The following CFAP44 variants were observed in gnomAD, a reference collection of about 807,000 sequenced individuals.
CFAP44 encodes the protein cilia and flagella associated protein 44, also known as cilia- and flagella-associated protein 44.
CFAP44 carries 134 observed loss-of-function variants against 216.2 expected under a neutral mutation model. That is an observed-to-expected ratio of 0.62 (90% confidence interval 0.54 to 0.72). CFAP44 has a LOEUF of 0.72. Among genes scored for constraint, CFAP44 ranks in the 30% least tolerant of loss-of-function variants. CFAP44 has a pLI of 0.00. For synonymous variants in CFAP44, 700 were observed against 727.6 expected (o/e 0.96, Z 0.61); for missense variants, 2,035 against 2,182.1 (o/e 0.93, Z 1.34).
intron 19 of CFAP44, among the ~76,000 whole-genome samples, chr3:113,364,876 G>T (rs559178669): frequency 1.7e-4 from 26 of 152,154 alleles, no homozygotes; most frequent in African/African-American, 6.0e-4. Flanking sequence ...GTACAGTAAG[G>T]TAAGAACCTC....
chr3:113,432,329 T>C (rs1031348943), intron 2 of CFAP44: 1 of 152,346 alleles, frequency 6.6e-6, no homozygotes, highest in East Asian at 1.9e-4. Context: ...AGATATGCAC[T>C]ATTTAAAAAT....
intron 2 of CFAP44, among the ~76,000 whole-genome samples, chr3:113,428,127 T>A (rs1419635698): frequency 3.9e-5 from 6 of 152,184 alleles, no homozygotes; most frequent in South Asian, 2.1e-4. Context: ...GGTGCCTAAA[T>A]AGGCCAAACA....
chr3:113,388,591 A>G (rs1362981032), intron 15 of CFAP44, among the ~76,000 whole-genome samples: 1 of 152,144 alleles, frequency 6.6e-6, no homozygotes, highest in Non-Finnish European at 1.5e-5. Flanking sequence ...AACAAAAGAA[A>G]TGAGATGGCT....
intron 25 of CFAP44, among the ~76,000 whole-genome samples, chr3:113,332,860 A>G (rs1238505892): frequency 6.6e-6 from 1 of 152,224 alleles, no homozygotes; most frequent in African/African-American, 2.4e-5. Flanking sequence ...ATGGCAACGA[A>G]AAACTACATC....
At chr3:113,425,315 A>G (rs930935774) in intron 4 of CFAP44, among the ~76,000 whole-genome samples, 2 of 152,198 alleles carry the variant, frequency 1.3e-5, no homozygotes, top group African/African-American at 2.4e-5. Flanking sequence ...CGTGGTGATA[A>G]GTACTAACTA....
intron 28 of CFAP44, among the ~76,000 whole-genome samples, chr3:113,311,145 T>C (rs1429329581): frequency 1.3e-5 from 2 of 152,156 alleles, no homozygotes; most frequent in African/African-American, 4.8e-5. Context: ...ATGATAAAAA[T>C]GCTTCCATTA....
At chr3:113,381,396 G>A (rs942337890) in intron 15 of CFAP44, among the ~76,000 whole-genome samples, 7 of 152,090 alleles carry the variant, frequency 4.6e-5, no homozygotes, top group South Asian at 4.1e-4. Context: ...TCTGTTAGCC[G>A]AAAGGACCAG....
chr3:113,340,293 C>T (rs1337373330), intron 24 of CFAP44, among the ~76,000 whole-genome samples: 2 of 152,142 alleles, frequency 1.3e-5, no homozygotes, highest in Non-Finnish European at 2.9e-5. Context: ...TTTCCACAGC[C>T]TGTAACAAAA....
intron 21 of CFAP44, among the ~76,000 whole-genome samples, chr3:113,362,441 A>G: frequency 6.6e-6 from 1 of 152,122 alleles, no homozygotes; most frequent in East Asian, 1.9e-4. Flanking sequence ...CCTCTTCTTG[A>G]AGCCGTATTT....
intron 26 of CFAP44, among the ~76,000 whole-genome samples, chr3:113,329,856 T>C (rs1393525534): frequency 6.6e-6 from 1 of 152,166 alleles, no homozygotes; most frequent in Non-Finnish European, 1.5e-5. Flanking sequence ...TAAAAGCTGC[T>C]CCTCCACTTC....
chr3:113,333,524 T>G lies in CFAP44; in HGVS notation c.3497A>C (p.Glu1166Ala). 6.5e-7 allele frequency: 1 copy of G among 1,537,130 alleles called. No homozygotes were observed. The highest frequency in any genetic ancestry group is 8.7e-7 in the Non-Finnish European group (1 of 1,146,872). ...EDPKDLQAIK[E>A]AQVYMGDFNL... is the part of the protein sequence containing the mutation. ...GAAATCTCCCATATACACCTGGGCT[T>G]CTTTGATGGCTTGAAGATCTTTGGG... Residue 1166 changes from glutamate to alanine, a missense_variant, in exon 25 of 35, where the codon GAA (glutamate) becomes GCA (alanine). This residue lies in a region of CFAP44 where 1,883 missense variants were observed against 2,023.7 expected (regional missense o/e 0.93). Coordinates refer to ENST00000393845, the MANE Select transcript of CFAP44 (RefSeq NM_001164496.2).
In CFAP44 at chr3:113,403,840, G is replaced by A. The variant is rs373544294; in HGVS notation, c.1170+12C>T. The A allele has an allele frequency of 1.7e-5, 27 of 1,608,496 alleles. No individual in the cohort carries two copies. The highest frequency in any genetic ancestry group is 8.0e-5 in the African/African-American group (6 of 74,746). ...ACGTGGGTGCTACCATCCAAGTATC[G>A]AGAAAACTTACCCTAACATATCCAT... On this transcript the variant is annotated intron_variant, in intron 9 of 34. Transcript: ENST00000393845.
chr3:113,431,609 G>A (rs1245586919), intron 2 of CFAP44, among the ~76,000 whole-genome samples: 2 of 152,140 alleles, frequency 1.3e-5, no homozygotes, highest in African/African-American at 4.8e-5. Flanking sequence ...GGTGTGGAGG[G>A]AGATCTGGAC....
At chr3:113,412,399 ATC>A (rs1170570237) in intron 6 of CFAP44, among the ~76,000 whole-genome samples, 2 of 147,162 alleles carry the variant, frequency 1.4e-5, no homozygotes, top group African/African-American at 2.6e-5. Context: ...CATTAAATAT[ATC>A]TCTTTTATTT....
intron 2 of CFAP44, among the ~76,000 whole-genome samples, chr3:113,433,226 C>T (rs544656283): frequency 2.0e-5 from 3 of 151,738 alleles, no homozygotes; most frequent in South Asian, 2.1e-4. Flanking sequence ...GTCAGGAGTT[C>T]GAGACCAGCC....
In CFAP44 at chr3:113,440,030, A is replaced by G. The variant is rs577245698; in HGVS notation, c.-6+1423T>C. ...CACATATTATCGTACAATTCTCAAA[A>G]CGACCCTATGAGGTAGGTACCATTA... On this transcript the variant is annotated intron_variant, in intron 1 of 34. Transcript: ENST00000393845. 2.0e-5 allele frequency among the ~76,000 whole-genome samples: 3 copies of G among 152,304 alleles called. No individual in the cohort carries two copies. In the South Asian group the frequency reaches 6.2e-4, roughly 32 times the overall value.
Position 113,403,898 on chromosome 3 carries a change from A to T in CFAP44, c.1124T>A (p.Leu375Gln). 6.2e-7 allele frequency: 1 copy of T among 1,614,112 alleles called. No homozygotes were observed. Among genetic ancestry groups the T allele is most frequent in the East Asian group, 2.2e-5 (1 of 44,874 alleles). ...CHNGPINQIM[L>Q]YEGEVITVGS... The stretch of plus-strand genomic sequence containing the variant: ...AACAGTGATAACTTCACCCTCATAC[A>T]GCATTATCTGGTTAATGGGACCATT... The change falls in exon 9 of 35, where the codon CTG (leucine) becomes CAG (glutamine). Residue 375 changes from leucine to glutamine, a missense_variant. Leu to Gln is a moderately radical substitution (Grantham distance 113). Coordinates refer to ENST00000393845, the MANE Select transcript of CFAP44 (RefSeq NM_001164496.2).
chr3:113,359,380 C>A (rs767757782), intron 21 of CFAP44, among the ~76,000 whole-genome samples: 1 of 152,068 alleles, frequency 6.6e-6, no homozygotes, highest in Non-Finnish European at 1.5e-5. Context: ...TGTTTCTTAC[C>A]CTCATCCCTG....
chr3:113,306,201 T>C lies in CFAP44; in HGVS notation c.4758A>G (p.Lys1586=). 1 of 1,533,554 alleles carries C rather than the reference T, an allele frequency of 6.5e-7. No homozygotes were observed. Among genetic ancestry groups the C allele is most frequent in the Non-Finnish European group, 8.7e-7 (1 of 1,145,318 alleles). The allele number at this position is 1,533,554 out of a possible 1,614,324, so 95.0% of individuals were successfully genotyped here. A position where few individuals can be genotyped will look rare whatever the true frequency, so the allele number is the denominator to read the frequency against. The change falls in exon 30 of 35, where the codon AAA becomes AAG. Residue 1586 remains lysine (K), a splice_region_variant and synonymous_variant. Transcript: ENST00000393845. ...LKKEYDTLSK[K]VKIVATNLNA... ...TAAATAAGTAAACAGATCACCATAC[T>C]TTTTTTGACAATGTATCATATTCCT...
Sources: allele counts gnomAD v4.1 joint callset (sites outside exome capture counted in the v4.1 genomes callset), GRCh38; gene constraint gnomAD v4.1.1; regional missense constraint gnomAD v4.1.1; transcripts MANE v1.5; gene names NCBI Gene and HGNC (gene_info 2026-07-23, HGNC 2026-07-21).